The following FRMD5 variants were observed in gnomAD, a reference collection of about 807,000 sequenced individuals.
The protein encoded by FRMD5 is FERM domain containing 5.
A neutral mutation model predicts 69.0 loss-of-function variants in FRMD5; 20 were observed. The observed-to-expected ratio is 0.29, with a 90% confidence interval of 0.20 to 0.42. FRMD5 has a LOEUF of 0.42. Ranked by LOEUF, FRMD5 falls within the 10% of genes least tolerant of loss-of-function variation. The pLI is 1.00. For synonymous variants in FRMD5, 271 were observed against 260.1 expected, an observed-to-expected ratio of 1.04 and a Z score of -0.40; for missense variants, 595 against 708.6, an observed-to-expected ratio of 0.84 and a Z score of 1.82.
chr15:43,958,474 G>A (rs1028641975), intron 1 of FRMD5, among the ~76,000 whole-genome samples: 3 of 152,124 alleles, frequency 2.0e-5, no homozygotes, highest in African/African-American at 4.8e-5. Flanking sequence ...GCCCAGGAGC[G>A]CAGTGGCAAC....
chr15:43,932,720 G>A (rs1047117080), intron 1 of FRMD5, among the ~76,000 whole-genome samples: 5 of 152,214 alleles, frequency 3.3e-5, no homozygotes, highest in Admixed American at 2.0e-4. Flanking sequence ...ACCTATGGGA[G>A]CTACCTGTAG....
chr15:43,971,647 G>A (rs1196278871), intron 1 of FRMD5, among the ~76,000 whole-genome samples: 1 of 150,758 alleles, frequency 6.6e-6, no homozygotes, highest in Non-Finnish European at 1.5e-5. Context: ...AAAAAAAAGA[G>A]TTTCTATGCA....
At chr15:43,974,846 T>G (rs2090439855) in intron 1 of FRMD5, among the ~76,000 whole-genome samples, 1 of 152,232 alleles carries the variant, frequency 6.6e-6, no homozygotes. Flanking sequence ...AAGAATTTGT[T>G]ACATGCAGAT....
chr15:44,155,841 C>T (rs1392073207), intron 1 of FRMD5, among the ~76,000 whole-genome samples: 2 of 151,996 alleles, frequency 1.3e-5, no homozygotes, highest in East Asian at 1.9e-4. Context: ...GTGATCCGCC[C>T]GCCTCAGCCT....
intron 1 of FRMD5, among the ~76,000 whole-genome samples, chr15:44,117,282 C>G (rs2076883050): frequency 6.6e-6 from 1 of 152,120 alleles, no homozygotes; most frequent in African/African-American, 2.4e-5. Context: ...TAGAGAAAGG[C>G]AGGACTGAAG....
At chr15:44,157,972 T>A (rs2077553863) in intron 1 of FRMD5, among the ~76,000 whole-genome samples, 1 of 152,166 alleles carries the variant, frequency 6.6e-6, no homozygotes, top group Non-Finnish European at 1.5e-5. Flanking sequence ...CACAAATATG[T>A]TTGTTCAGTG....
chr15:43,972,075 AAT>A (rs140728846), intron 1 of FRMD5, among the ~76,000 whole-genome samples: 156 of 146,336 alleles, frequency 1.1e-3, no homozygotes, highest in African/African-American at 3.2e-3. Context: ...CTTATATATA[AAT>A]ATATATATAT....
At chr15:44,093,241 T>C (rs2076500848) in intron 1 of FRMD5, among the ~76,000 whole-genome samples, 1 of 152,112 alleles carries the variant, frequency 6.6e-6, no homozygotes, top group Non-Finnish European at 1.5e-5. Context: ...TTACTCCCTT[T>C]TTATTACTTA....
At chr15:44,195,498 C>T (rs979750297), upstream of FRMD5, among the ~76,000 whole-genome samples, 1 of 152,238 alleles carries the variant, frequency 6.6e-6, no homozygotes, top group Non-Finnish European at 1.5e-5. Context: ...CTCTCCGCCC[C>T]GTGGTTCCTA....
chr15:44,189,567 C>A (rs1440563112), intron 1 of FRMD5, among the ~76,000 whole-genome samples: 2 of 151,618 alleles, frequency 1.3e-5, no homozygotes, highest in Non-Finnish European at 2.9e-5. Flanking sequence ...CGGCTCACTG[C>A]AAGCTCCACC....
At chr15:43,979,980 A>C (rs527832776) in intron 1 of FRMD5, among the ~76,000 whole-genome samples, 3 of 152,374 alleles carry the variant, frequency 2.0e-5, no homozygotes, top group African/African-American at 7.2e-5. Context: ...GAACCAAGAC[A>C]TATTAGATTG....
At chr15:43,936,839 G>A (rs972351829) in intron 1 of FRMD5, among the ~76,000 whole-genome samples, 3 of 151,754 alleles carry the variant, frequency 2.0e-5, no homozygotes, top group Non-Finnish European at 4.4e-5. Context: ...AGTACAGCCC[G>A]GTTCTAAAGT....
At chr15:44,040,404 G>A (rs1241052657) in intron 1 of FRMD5, among the ~76,000 whole-genome samples, 2 of 152,102 alleles carry the variant, frequency 1.3e-5, no homozygotes, top group Admixed American at 6.5e-5. Context: ...AATGTTAAGG[G>A]AAGCCAGAGA....
intron 1 of FRMD5, among the ~76,000 whole-genome samples, chr15:44,039,034 G>C (rs899811378): frequency 3.9e-5 from 6 of 152,220 alleles, no homozygotes; most frequent in African/African-American, 1.4e-4. Context: ...GGATGGAGTA[G>C]GTGGTTTTGC....
At chr15:44,105,027 A>C (rs2076695484) in intron 1 of FRMD5, among the ~76,000 whole-genome samples, 1 of 151,970 alleles carries the variant, frequency 6.6e-6, no homozygotes, top group South Asian at 2.1e-4. Flanking sequence ...AATGCTGATA[A>C]AACTTTCATA....
chr15:43,957,790 A>G (rs2090137729), intron 1 of FRMD5, among the ~76,000 whole-genome samples: 1 of 152,168 alleles, frequency 6.6e-6, no homozygotes, highest in Non-Finnish European at 1.5e-5. Flanking sequence ...TAATTCAACT[A>G]CCAGTCTGCT....
Position 43,873,025 on chromosome 15 carries a change from C to A in FRMD5, c.*860G>T. On this transcript the variant is annotated 3_prime_UTR_variant, in exon 14 of 14. Coordinates refer to ENST00000417257, the MANE Select transcript of FRMD5 (RefSeq NM_032892.5). ...ACATTTCTGACAGAACTATCTATCT[C>A]TGGTACCACTGAATTCGTTTAACGC... The A allele has an allele frequency of 1.5e-6, 1 of 662,094 alleles. No homozygotes were observed. Among genetic ancestry groups the A allele is most frequent in the Non-Finnish European group, 2.6e-6 (1 of 385,712 alleles). The allele number at this position is 662,094 out of a possible 1,614,324, so 41.0% of individuals were successfully genotyped here. A position where few individuals can be genotyped will look rare whatever the true frequency, so the allele number is the denominator to read the frequency against.
chr15:43,949,012 G>C (rs139697131), intron 1 of FRMD5, among the ~76,000 whole-genome samples: 1 of 152,326 alleles, frequency 6.6e-6, no homozygotes, highest in East Asian at 1.9e-4. Flanking sequence ...TCTAGAATTT[G>C]GGGACCTCTT....
At chr15:44,029,767 T>A (rs745917971) in intron 1 of FRMD5, among the ~76,000 whole-genome samples, 5 of 152,158 alleles carry the variant, frequency 3.3e-5, no homozygotes, top group Non-Finnish European at 5.9e-5. Flanking sequence ...AACAGATGCT[T>A]AGAGATTCCG....
Sources: gnomAD v4.1 joint callset for allele counts (sites outside exome capture counted in the v4.1 genomes callset) on GRCh38, gnomAD v4.1.1 for gene constraint, MANE v1.5 for transcripts, NCBI Gene and HGNC (gene_info 2026-07-23, HGNC 2026-07-21) for gene names.